STK17A: variants seen among roughly 807,000 people sequenced by gnomAD.
STK17A encodes serine/threonine-protein kinase 17A.
Under a neutral mutation model 43.7 loss-of-function variants are expected in STK17A, and 26 were observed. That is an observed-to-expected ratio of 0.60 (90% CI 0.44 to 0.83). STK17A has a LOEUF of 0.83. STK17A is among the 40% of genes least tolerant of loss of function. The probability of loss-of-function intolerance (pLI) is 0.00; values close to 1 mark genes in which losing one functional copy is unlikely to be tolerated. For synonymous variants in STK17A, 191 were observed against 182.5 expected (o/e 1.05, Z -0.38); for missense variants, 476 against 511.6 (o/e 0.93, Z 0.67).
chr7:43,608,518 T>A (rs2082637533), intron 3 of STK17A, 118 bp downstream of exon 3: 1 of 1,260,826 alleles, frequency 7.9e-7, no homozygotes, highest in Non-Finnish European at 1.1e-6. Context: ...AACAAGGATA[T>A]TAGAATTGAG....
In STK17A at chr7:43,595,966, T is replaced by G; in HGVS notation, c.272T>G (p.Phe91Cys). 6.2e-7 allele frequency: 1 copy of G among 1,613,884 alleles called. No individual in the cohort carries two copies. Among genetic ancestry groups the G allele is most frequent in the East Asian group, 2.2e-5 (1 of 44,820 alleles). ...KDSGKEFAAK[F>C]MRKRRKGQDC... is the part of the protein sequence containing the mutation. Reference sequence around the variant, plus strand: ...TCTGGGAAAGAATTTGCTGCAAAGTTCATGAGAAAAAGAAGAAAAGGCCAA... The same window carrying G: ...TCTGGGAAAGAATTTGCTGCAAAGTGCATGAGAAAAAGAAGAAAAGGCCAA... The change falls in exon 2 of 7, where the codon TTC becomes TGC. Residue 91 changes from phenylalanine (F) to cysteine (C), a missense_variant. By Grantham distance (205) the Phe-to-Cys change is radical. Transcript: ENST00000319357.
At chr7:43,611,247 T>C (rs537756023) in intron 3 of STK17A, among the ~76,000 whole-genome samples, 1 of 152,248 alleles carries the variant, frequency 6.6e-6, no homozygotes, top group African/African-American at 2.4e-5. Flanking sequence ...CAGAAAAATT[T>C]ACTCGTTTCC....
intron 1 of STK17A, among the ~76,000 whole-genome samples, chr7:43,592,354 G>A (rs1190743634): frequency 6.6e-6 from 1 of 151,522 alleles, no homozygotes; most frequent in Non-Finnish European, 1.5e-5. Context: ...ATCTGAATAA[G>A]GGTGCTGCTA....
At chr7:43,585,821 G>A (rs2082434895) in intron 1 of STK17A, among the ~76,000 whole-genome samples, 1 of 151,368 alleles carries the variant, frequency 6.6e-6, no homozygotes, top group South Asian at 2.1e-4. Context: ...AATTCATGGT[G>A]TAATTCAATA....
At chr7:43,608,555 AGTTTT>A (rs1348256045) in intron 3 of STK17A, 155 bp downstream of exon 3, 1 of 794,526 alleles carries the variant, frequency 1.3e-6, no homozygotes, top group African/African-American at 1.8e-5. Context: ...CTAGCCAGTT[AGTTTT>A]ATCAGGGAGA....
intron 2 of STK17A, among the ~76,000 whole-genome samples, chr7:43,604,644 A>C (rs2082576696): frequency 6.6e-6 from 1 of 152,102 alleles, no homozygotes; most frequent in African/African-American, 2.4e-5. Flanking sequence ...TAGCAATTTG[A>C]GTATAGTGCC....
intron 2 of STK17A, among the ~76,000 whole-genome samples, chr7:43,599,119 C>T (rs2082540022): frequency 6.6e-6 from 1 of 152,154 alleles, no homozygotes; most frequent in Non-Finnish European, 1.5e-5. Flanking sequence ...TTGATGGAGT[C>T]AAATTTGCAA....
chr7:43,585,477 C>T (rs1313566379), intron 1 of STK17A, among the ~76,000 whole-genome samples: 1 of 151,438 alleles, frequency 6.6e-6, no homozygotes, highest in Admixed American at 6.6e-5. Context: ...TCTTTTCTTA[C>T]ATAAATTTCT....
At chr7:43,597,546 T>G (rs939994822) in intron 2 of STK17A, among the ~76,000 whole-genome samples, 1 of 152,168 alleles carries the variant, frequency 6.6e-6, no homozygotes, top group South Asian at 2.1e-4. Flanking sequence ...CCTTTATGCC[T>G]GGCTAATTTT....
chr7:43,611,110 C>A (rs192532824), intron 3 of STK17A, among the ~76,000 whole-genome samples: 2 of 152,154 alleles, frequency 1.3e-5, no homozygotes, highest in Admixed American at 6.5e-5. Flanking sequence ...GAATGAGACT[C>A]CGTCTCAAAA....
intron 1 of STK17A, among the ~76,000 whole-genome samples, chr7:43,594,331 T>TTG (rs1233459305): frequency 6.6e-6 from 1 of 151,766 alleles, no homozygotes; most frequent in Non-Finnish European, 1.5e-5. Flanking sequence ...GAGTGGCAGC[T>TTG]AACAGATGGT....
intron 2 of STK17A, among the ~76,000 whole-genome samples, chr7:43,607,000 C>G (rs769520470): frequency 1.2e-4 from 16 of 131,932 alleles, no homozygotes; most frequent in Non-Finnish European, 2.2e-4. Flanking sequence ...CTCGGTTCAT[C>G]CCAACTTCTG....
At chr7:43,583,535 C>A in intron 1 of STK17A, 86 bp downstream of exon 1, 1 of 1,137,320 alleles carries the variant, frequency 8.8e-7, no homozygotes, top group Non-Finnish European at 1.1e-6. Context: ...GCCGCGGCGG[C>A]GAGGCTGAAG....
At chr7:43,616,673 G>A (rs188360382) in intron 3 of STK17A, among the ~76,000 whole-genome samples, 102 of 152,234 alleles carry the variant, frequency 6.7e-4, no homozygotes, top group African/African-American at 2.1e-3. Flanking sequence ...TGAGACGGGC[G>A]GATCACGAGG....
At chr7:43,623,397 TACAA>T in intron 4 of STK17A, 171 bp from the exon 5 acceptor site, 1 of 585,620 alleles carries the variant, frequency 1.7e-6, no homozygotes, top group Non-Finnish European at 3.0e-6. Flanking sequence ...ACAAGTTAAT[TACAA>T]ACATCTAGTT....
At chr7:43,591,171 T>C (rs2082476332) in intron 1 of STK17A, among the ~76,000 whole-genome samples, 2 of 151,574 alleles carry the variant, frequency 1.3e-5, no homozygotes, top group South Asian at 4.1e-4. Flanking sequence ...TGGAAGAGTT[T>C]TATTCAGCAT....
Position 43,624,550 on chromosome 7 carries a change from A to AC in STK17A, c.957dup (p.Trp320LeufsTer32). ...GCCACTGCTGAAGAATGTCTAAAGC[A>AC]CCCCTGGTTGACACAGAGCAGTATT... On this transcript the variant is annotated frameshift_variant, in exon 7 of 7. Transcript: ENST00000319357. LOFTEE classifies it high-confidence loss of function. 6.2e-7 allele frequency: 1 copy of AC among 1,613,726 alleles called. No individual in the cohort carries two copies. Among genetic ancestry groups the AC allele is most frequent in the Non-Finnish European group, 8.5e-7 (1 of 1,179,842 alleles).
intron 3 of STK17A, among the ~76,000 whole-genome samples, chr7:43,615,072 CA>C (rs1478462505): frequency 6.6e-6 from 1 of 152,150 alleles, no homozygotes; most frequent in Non-Finnish European, 1.5e-5. Flanking sequence ...CTCAAAAGGG[CA>C]AAACATTCAA....
chr7:43,606,122 T>C (rs2082586852), intron 2 of STK17A, among the ~76,000 whole-genome samples: 1 of 152,198 alleles, frequency 6.6e-6, no homozygotes, highest in Non-Finnish European at 1.5e-5. Context: ...ATTTGTTATT[T>C]AAATATCTTT....
Sources: allele counts gnomAD v4.1 joint callset (sites outside exome capture counted in the v4.1 genomes callset), GRCh38; gene constraint gnomAD v4.1.1; transcripts MANE v1.5; gene names NCBI Gene and HGNC (gene_info 2026-07-23, HGNC 2026-07-21).